Variants in HSPA12A observed in about 807,000 individuals in gnomAD.
HSPA12A encodes the protein heat shock protein family A (Hsp70) member 12A.
A neutral mutation model predicts 69.2 loss-of-function variants in HSPA12A; 28 were observed. The observed-to-expected ratio is 0.40, with a 90% CI of 0.30 to 0.55. The LOEUF (loss-of-function observed/expected upper bound fraction) is 0.55, where lower values mean the gene tolerates loss of function less well. Ranked by LOEUF, HSPA12A falls within the 20% of genes least tolerant of loss-of-function variation. HSPA12A has a pLI of 0.38. For synonymous variants in HSPA12A, 345 were observed against 370.5 expected, an observed-to-expected ratio of 0.93 and a Z score of 0.79; for missense variants, 686 against 900.7, an observed-to-expected ratio of 0.76 and a Z score of 3.05.
chr10:116,796,652 C>A (rs959723678), intron 2 of HSPA12A, among the ~76,000 whole-genome samples: 4 of 152,288 alleles, frequency 2.6e-5, no homozygotes, highest in East Asian at 1.9e-4. Context: ...GAAAGGGAAA[C>A]CCCCAGCTGT....
intron 2 of HSPA12A, among the ~76,000 whole-genome samples, chr10:116,823,040 C>T (rs552868000): frequency 5.1e-4 from 78 of 152,276 alleles, no homozygotes; most frequent in Non-Finnish European, 9.4e-4. Context: ...ACCTCTTCCA[C>T]AAAAAGCTTA....
At chr10:116,839,023 G>A (rs1278990181) in intron 1 of HSPA12A, among the ~76,000 whole-genome samples, 1 of 152,208 alleles carries the variant, frequency 6.6e-6, no homozygotes, top group East Asian at 1.9e-4. Context: ...ACACACAGAA[G>A]TGTAAAGATC....
At chr10:116,705,102 G>A in intron 3 of HSPA12A, 49 bp downstream of exon 3, 1 of 1,608,736 alleles carries the variant, frequency 6.2e-7, no homozygotes, top group Admixed American at 1.7e-5. Context: ...GTCTCCACAG[G>A]TGCAGTGGTT....
intron 2 of HSPA12A, among the ~76,000 whole-genome samples, chr10:116,781,810 A>G (rs538032566): frequency 2.1e-4 from 32 of 152,266 alleles, no homozygotes; most frequent in African/African-American, 7.7e-4. Context: ...CCTTGGGTCC[A>G]GCTATTCAAT....
chr10:116,805,733 C>T (rs930121671), intron 2 of HSPA12A, among the ~76,000 whole-genome samples: 5 of 152,156 alleles, frequency 3.3e-5, no homozygotes, highest in African/African-American at 7.2e-5. Flanking sequence ...AATTGCACAG[C>T]GAAACATTGC....
At chr10:116,750,275 A>G in intron 2 of HSPA12A, 1 of 815,764 alleles carries the variant, frequency 1.2e-6, no homozygotes, top group East Asian at 2.5e-5. Context: ...AGTGGAGGTG[A>G]CTGGTGATGA....
intron 1 of HSPA12A, among the ~76,000 whole-genome samples, chr10:116,848,490 C>A (rs932598948): frequency 1.1e-3 from 164 of 152,252 alleles, no homozygotes; most frequent in African/African-American, 3.6e-3. Context: ...ATGATGTTTT[C>A]CAGAGGGGGG....
chr10:116,843,146 C>T (rs1315812108), intron 1 of HSPA12A, among the ~76,000 whole-genome samples: 1 of 152,198 alleles, frequency 6.6e-6, no homozygotes. Context: ...TGAACACTCA[C>T]ATTTTGACTA....
intron 6 of HSPA12A, among the ~76,000 whole-genome samples, chr10:116,684,909 T>C (rs1232688082): frequency 2.0e-5 from 3 of 152,088 alleles, no homozygotes; most frequent in Non-Finnish European, 4.4e-5. Flanking sequence ...ACAACCCTTC[T>C]GAGGATGCTC....
At chr10:116,777,631 C>T (rs1416046735) in intron 2 of HSPA12A, among the ~76,000 whole-genome samples, 10 of 152,222 alleles carry the variant, frequency 6.6e-5, no homozygotes, top group African/African-American at 1.9e-4. Flanking sequence ...AAGAGACGCA[C>T]GCCACTACGT....
intron 2 of HSPA12A, among the ~76,000 whole-genome samples, chr10:116,774,093 T>C (rs1844276595): frequency 6.6e-6 from 1 of 151,060 alleles, no homozygotes; most frequent in Non-Finnish European, 1.5e-5. Flanking sequence ...CACTGCAAGC[T>C]CCGCCTCCCG....
intron 1 of HSPA12A, 54 bp downstream of exon 1, chr10:116,742,376 T>C (rs1851540934): frequency 7.1e-7 from 1 of 1,416,910 alleles, no homozygotes. Context: ...CAAGCGCGCC[T>C]CCTCCCTCCC....
intron 2 of HSPA12A, among the ~76,000 whole-genome samples, chr10:116,789,907 T>C (rs2133150484): frequency 6.6e-6 from 1 of 152,110 alleles, no homozygotes. Context: ...CTTCCATTTA[T>C]GGCTGCACCT....
At chr10:116,785,357 C>T (rs1214403096) in intron 2 of HSPA12A, among the ~76,000 whole-genome samples, 1 of 152,124 alleles carries the variant, frequency 6.6e-6, no homozygotes, top group African/African-American at 2.4e-5. Context: ...ACGGCCCCGA[C>T]CCAGGCCTGC....
intron 2 of HSPA12A, among the ~76,000 whole-genome samples, chr10:116,792,742 G>A (rs999360385): frequency 7.3e-5 from 11 of 151,606 alleles, no homozygotes; most frequent in African/African-American, 2.2e-4. Context: ...AGCCAAGATC[G>A]TGCCACTAAC....
At chr10:116,781,939 TA>T (rs1463783593) in intron 2 of HSPA12A, among the ~76,000 whole-genome samples, 2 of 152,238 alleles carry the variant, frequency 1.3e-5, no homozygotes, top group African/African-American at 4.8e-5. Context: ...CAAAAGACAG[TA>T]AAAAGGAAGT....
In HSPA12A at chr10:116,742,432, C is replaced by CA; in HGVS notation, c.37_38insT (p.Arg13LeufsTer34). ...CAGGACCCGCAGCCTGCGCTCACCTCGGGGCCCGTCGCTGCCGCCGGCCTC... is the reference window on the plus strand; with the variant it reads ...CAGGACCCGCAGCCTGCGCTCACCTCAGGGGCCCGTCGCTGCCGCCGGCCTC... On this transcript the variant is annotated frameshift_variant, in exon 1 of 12. Coordinates refer to ENST00000369209, the MANE Select transcript of HSPA12A (RefSeq NM_025015.3). LOFTEE classifies it high-confidence loss of function. The CA allele has an allele frequency of 7.1e-7, 1 of 1,418,376 alleles. No individual in the cohort carries two copies. The highest frequency in any genetic ancestry group is 2.6e-5 in the Admixed American group (1 of 38,146). The allele number at this position is 1,418,376 out of a possible 1,614,324, so 87.9% of individuals were successfully genotyped here. A position where few individuals can be genotyped will look rare whatever the true frequency, so the allele number is the denominator to read the frequency against.
chr10:116,738,360 C>T (rs1309316123), intron 1 of HSPA12A, among the ~76,000 whole-genome samples: 2 of 152,072 alleles, frequency 1.3e-5, no homozygotes, highest in South Asian at 2.1e-4. Context: ...TTATTGAACA[C>T]CTACTAGTGT....
At chr10:116,774,033 G>A (rs549792069) in intron 2 of HSPA12A, among the ~76,000 whole-genome samples, 11 of 150,158 alleles carry the variant, frequency 7.3e-5, no homozygotes, top group East Asian at 2.0e-4. Context: ...TTTTTGAGAC[G>A]GAGTCTCGCT....
Sources: gnomAD v4.1 joint callset for allele counts (sites outside exome capture counted in the v4.1 genomes callset) on GRCh38, gnomAD v4.1.1 for gene constraint, MANE v1.5 for transcripts, NCBI Gene and HGNC (gene_info 2026-07-23, HGNC 2026-07-21) for gene names.